The following SIPA1L3 variants were observed in gnomAD, a reference collection of about 807,000 sequenced individuals.
The protein encoded by SIPA1L3 is signal induced proliferation associated 1 like 3, also known as signal-induced proliferation-associated 1-like protein 3.
A neutral mutation model predicts 150.1 loss-of-function variants in SIPA1L3; 59 were observed. The observed-to-expected ratio is 0.39, with a 90% CI of 0.32 to 0.49. The LOEUF (loss-of-function observed/expected upper bound fraction) is 0.49. SIPA1L3 is among the 20% of genes least tolerant of loss of function. SIPA1L3 has a pLI of 0.86. For synonymous variants in SIPA1L3, 1,070 were observed against 1,077.6 expected (o/e 0.99, Z 0.14); for missense variants, 2,211 against 2,489.5 (o/e 0.89, Z 2.38).
chr19:38,124,816 A>T (rs1971133053), intron 9 of SIPA1L3, among the ~76,000 whole-genome samples: 4 of 152,290 alleles, frequency 2.6e-5, no homozygotes, highest in Admixed American at 2.0e-4. Context: ...CCCGGCCATC[A>T]CAGCGAAACC....
intron 12 of SIPA1L3, among the ~76,000 whole-genome samples, chr19:38,147,821 C>T (rs1272816887): frequency 6.6e-6 from 1 of 152,088 alleles, no homozygotes; most frequent in Non-Finnish European, 1.5e-5. Flanking sequence ...CAGAGGGAAA[C>T]TACAGCTCAG....
At position 38,027,287 on chromosome 19, in the gene SIPA1L3, CA is replaced by C. The variant is rs370209133; in HGVS notation, c.-378-1793del. Among the ~76,000 whole-genome samples, 35 of 150,704 alleles carry C rather than the reference CA, an allele frequency of 2.3e-4. No individual in the cohort carries two copies. In the East Asian group the frequency reaches 6.4e-3, roughly 28 times the overall value. ...TGGGCAGTAGATCAAGACTCCATCTCAAAAAAAAAGAAATTATTCTGAGGAG... is the reference window on the plus strand; with the variant it reads ...TGGGCAGTAGATCAAGACTCCATCTCAAAAAAAAGAAATTATTCTGAGGAG... On this transcript the variant is annotated intron_variant, in intron 1 of 21. Coordinates refer to ENST00000222345, the MANE Select transcript of SIPA1L3 (RefSeq NM_015073.3).
intron 1 of SIPA1L3, among the ~76,000 whole-genome samples, chr19:37,932,925 T>G (rs1408213249): frequency 6.6e-6 from 1 of 151,942 alleles, no homozygotes; most frequent in Non-Finnish European, 1.5e-5. Flanking sequence ...ACTCTTTTAG[T>G]GAGTTGAGCT....
intron 8 of SIPA1L3, among the ~76,000 whole-genome samples, chr19:38,115,957 C>G (rs145057713): frequency 6.6e-6 from 1 of 152,124 alleles, no homozygotes; most frequent in Non-Finnish European, 1.5e-5. Flanking sequence ...GGATGAGTGT[C>G]GCACTGTCGC....
In SIPA1L3 at chr19:38,119,722, G is replaced by C. The variant is rs546328889; in HGVS notation, c.2708G>C (p.Arg903Pro). Residue 903 changes from arginine to proline, a missense_variant, in exon 9 of 22, where the codon CGC becomes CCC. Around this residue, in one of 5 missense-constraint regions of SIPA1L3, gnomAD observed 625 missense variants for 804.2 expected, o/e 0.78. Transcript: ENST00000222345. The stretch of plus-strand genomic sequence containing the variant: ...GAGTTTGTGGTGCTCCTGGACTTAC[G>C]CACCAAGGAGGTGGTGTTCAACTGC... ...SNEFVVLLDL[R>P]TKEVVFNCYC... 1 of 1,614,130 alleles carries C rather than the reference G, an allele frequency of 6.2e-7. No homozygotes were observed. Among genetic ancestry groups the C allele is most frequent in the South Asian group, 1.1e-5 (1 of 91,076 alleles).
chr19:38,074,604 C>T (rs961969837), intron 2 of SIPA1L3, among the ~76,000 whole-genome samples: 5 of 152,264 alleles, frequency 3.3e-5, no homozygotes, highest in Admixed American at 3.3e-4. Flanking sequence ...AGCAAACAGT[C>T]TTGCCATTCT....
At chr19:38,100,269 A>C (rs1273319406) in intron 5 of SIPA1L3, 119 bp downstream of exon 5, 2 of 796,118 alleles carry the variant, frequency 2.5e-6, no homozygotes, top group African/African-American at 1.8e-5. Context: ...AAACCTACTT[A>C]AGCTGGTTTC....
intron 2 of SIPA1L3, among the ~76,000 whole-genome samples, chr19:38,048,859 G>A (rs1969120270): frequency 6.6e-6 from 1 of 152,198 alleles, no homozygotes; most frequent in Non-Finnish European, 1.5e-5. Context: ...GGGAGGCTGA[G>A]GCGGGCAGAT....
chr19:37,963,604 C>G (rs1324949737), intron 1 of SIPA1L3, among the ~76,000 whole-genome samples: 1 of 152,254 alleles, frequency 6.6e-6, no homozygotes, highest in African/African-American at 2.4e-5. Flanking sequence ...CATGTTCCCA[C>G]TGTTCTTACT....
chr19:38,073,219 G>A (rs552626265), intron 2 of SIPA1L3, among the ~76,000 whole-genome samples: 1 of 152,298 alleles, frequency 6.6e-6, no homozygotes, highest in Admixed American at 6.5e-5. Context: ...TGGGAAGTGT[G>A]GCTGTGGCCA....
At chr19:38,161,583 G>A (rs1376774134) in intron 13 of SIPA1L3, among the ~76,000 whole-genome samples, 13 of 151,858 alleles carry the variant, frequency 8.6e-5, no homozygotes, top group Admixed American at 8.5e-4. Context: ...CAATTAGCTG[G>A]GCATGGTGGT....
chr19:37,974,883 G>A (rs1807157), intron 1 of SIPA1L3, among the ~76,000 whole-genome samples: 189 of 152,118 alleles, frequency 1.2e-3, no homozygotes, highest in African/African-American at 4.3e-3. Flanking sequence ...TTTATAAAGG[G>A]TAGTTAATTT....
At chr19:37,924,191 G>A (rs1006634977) in intron 1 of SIPA1L3, among the ~76,000 whole-genome samples, 3 of 151,830 alleles carry the variant, frequency 2.0e-5, no homozygotes, top group South Asian at 4.2e-4. Context: ...AAAATGTTCC[G>A]TTTTTATTTT....
intron 16 of SIPA1L3, chr19:38,185,451 A>C: frequency 6.6e-6 from 1 of 151,006 alleles, no homozygotes; most frequent in South Asian, 2.1e-4. Flanking sequence ...CCACCCCCCA[A>C]CCCGCACCCC....
At position 38,128,063 on chromosome 19, in the gene SIPA1L3, T is replaced by TG. The variant is rs1386752619; in HGVS notation, c.2869-2435_2869-2434insG. Among the ~76,000 whole-genome samples the TG allele has an allele frequency of 2.0e-3, 280 of 140,876 alleles. 1 individual carries two copies. The highest frequency in any genetic ancestry group is 7.1e-3 in the African/African-American group (270 of 37,798). 92.4% of individuals were successfully genotyped at this position (140,876 alleles called of 152,430 possible). A position where few individuals can be genotyped will look rare whatever the true frequency, so the allele number is the denominator to read the frequency against. ...TTGGGCCTCTTTTTTTTTTTTTTTT[T>TG]TTTTTTTTTTTGAGACAGTCTCGCT... On this transcript the variant is annotated intron_variant, in intron 9 of 21. Coordinates refer to ENST00000222345, the MANE Select transcript of SIPA1L3 (RefSeq NM_015073.3).
At chr19:38,201,730 A>G in intron 19 of SIPA1L3, 132 bp from the exon 20 acceptor site, 1 of 952,756 alleles carries the variant, frequency 1.0e-6, no homozygotes, top group South Asian at 2.2e-5. Flanking sequence ...GAATCTATCT[A>G]AGTGCCGATG....
chr19:38,183,645 G>A (rs1374334943), intron 16 of SIPA1L3, among the ~76,000 whole-genome samples: 3 of 152,244 alleles, frequency 2.0e-5, no homozygotes, highest in Admixed American at 1.3e-4. Flanking sequence ...GGAGAGGTCA[G>A]GCTGGAGGGA....
At chr19:38,015,845 G>C (rs1340406501) in intron 1 of SIPA1L3, among the ~76,000 whole-genome samples, 3 of 152,056 alleles carry the variant, frequency 2.0e-5, no homozygotes, top group African/African-American at 7.2e-5. Flanking sequence ...TCTAATGGAG[G>C]GGCCTCTGGG....
chr19:37,990,322 A>G (rs1967471392), intron 1 of SIPA1L3, among the ~76,000 whole-genome samples: 1 of 152,102 alleles, frequency 6.6e-6, no homozygotes, highest in African/African-American at 2.4e-5. Context: ...AAGATCTAAA[A>G]ACCTCCATTC....
Sources: gnomAD v4.1 joint callset for allele counts (sites outside exome capture counted in the v4.1 genomes callset) on GRCh38, gnomAD v4.1.1 for gene constraint, gnomAD v4.1.1 regional missense constraint, MANE v1.5 for transcripts, NCBI Gene and HGNC (gene_info 2026-07-23, HGNC 2026-07-21) for gene names.